Variants in RAB7A observed in about 807,000 individuals in gnomAD.
The protein encoded by RAB7A is RAB7A, member RAS oncogene family.
RAB7A carries 2 observed loss-of-function variants against 24.5 expected under a neutral mutation model. That is an observed-to-expected ratio of 0.08 (90% CI 0.03 to 0.26). RAB7A has a LOEUF of 0.26. Among genes scored for constraint, RAB7A ranks in the 10% least tolerant of loss-of-function variants. RAB7A has a pLI of 1.00. For synonymous variants in RAB7A, 100 were observed against 95.9 expected (o/e 1.04, Z -0.25); for missense variants, 118 against 255.7 (o/e 0.46, Z 3.67).
rs141387277 is a variant in RAB7A, at chr3:128,739,276, G to A, written c.-9+12917G>A. ...TGTAATCTCAGCAGTTTGGAAGGCT[G>A]AGGTGGGCGGATCACCTGAGGTCAG... On this transcript the variant is annotated intron_variant, in intron 1 of 5. Coordinates refer to ENST00000265062, the MANE Select transcript of RAB7A (RefSeq NM_004637.6). Among the ~76,000 whole-genome samples the A allele has an allele frequency of 6.9e-3, 1,056 of 152,212 alleles. 5 individuals are homozygous for A. The highest frequency in any genetic ancestry group is 0.012 in the South Asian group (59 of 4,824).
Position 128,814,136 on chromosome 3 carries a change from C to T in RAB7A, c.*714C>T, listed in dbSNP as rs1416048221. 1.9e-5 allele frequency: 3 copies of T among 154,808 alleles called. No individual in the cohort carries two copies. The highest frequency in any genetic ancestry group is 4.8e-5 in the African/African-American group (2 of 41,402). 9.6% of individuals were successfully genotyped at this position (154,808 alleles called of 1,614,324 possible). On this transcript the variant is annotated 3_prime_UTR_variant, in exon 6 of 6. Coordinates refer to ENST00000265062, the MANE Select transcript of RAB7A (RefSeq NM_004637.6). The stretch of plus-strand genomic sequence containing the variant: ...TGTGTTTAAGTCCTGTAATGCAGGC[C>T]TGTAAGGTGGAGGGTTGAACCCTGT...
chr3:128,741,568 G>A (rs2107586399), intron 1 of RAB7A, among the ~76,000 whole-genome samples: 1 of 151,892 alleles, frequency 6.6e-6, no homozygotes, highest in Middle Eastern at 3.4e-3. Context: ...TTACGAAATA[G>A]AGATGGTGTC....
chr3:128,783,180 A>G (rs1933258155), intron 1 of RAB7A, among the ~76,000 whole-genome samples: 1 of 151,900 alleles, frequency 6.6e-6, no homozygotes, highest in African/African-American at 2.4e-5. Flanking sequence ...GAAGGAGAGA[A>G]TACCTTCAAG....
rs549480664 is a variant in RAB7A at position 128,738,605 on chromosome 3, T to G, written c.-9+12246T>G. Among the ~76,000 whole-genome samples, 27 of 152,340 alleles carry G rather than the reference T, an allele frequency of 1.8e-4. No homozygotes were observed. In the South Asian group the frequency reaches 5.4e-3, roughly 30 times the overall value. Reference sequence around the variant, plus strand: ...TTTTCTTGACCACTTACGTCTATAGTGTTCTTTTTACTGAATCCCTGGGGC... The same window carrying G: ...TTTTCTTGACCACTTACGTCTATAGGGTTCTTTTTACTGAATCCCTGGGGC... On this transcript the variant is annotated intron_variant, in intron 1 of 5. Transcript: ENST00000265062.
chr3:128,764,405 C>T, intron 1 of RAB7A: 1 of 714,886 alleles, frequency 1.4e-6, no homozygotes, highest in Non-Finnish European at 2.6e-6. Context: ...TCCCAACATG[C>T]ATGCACTGCC....
intron 1 of RAB7A, among the ~76,000 whole-genome samples, chr3:128,778,080 TG>T: frequency 6.6e-6 from 1 of 151,992 alleles, no homozygotes; most frequent in East Asian, 1.9e-4. Context: ...AGTAGTGAAA[TG>T]AGTAAGGGCT....
chr3:128,766,874 G>A (rs1439737181), intron 1 of RAB7A, among the ~76,000 whole-genome samples: 2 of 152,142 alleles, frequency 1.3e-5, no homozygotes, highest in African/African-American at 2.4e-5. Context: ...GGAACTGCCA[G>A]ACTGTTTTCC....
intron 1 of RAB7A, among the ~76,000 whole-genome samples, chr3:128,727,923 TAGC>T (rs2070396682): frequency 2.0e-5 from 3 of 152,168 alleles, no homozygotes; most frequent in Non-Finnish European, 4.4e-5. Flanking sequence ...AGTTAAAGCT[TAGC>T]GTTCACAATC....
intron 1 of RAB7A, among the ~76,000 whole-genome samples, chr3:128,750,504 C>T (rs909931589): frequency 4.6e-5 from 7 of 152,114 alleles, no homozygotes; most frequent in Non-Finnish European, 1.0e-4. Context: ...TCAGGTGATT[C>T]ACCTGCCTCA....
At chr3:128,765,016 A>G in intron 1 of RAB7A, 1 of 1,561,910 alleles carries the variant, frequency 6.4e-7, no homozygotes, top group East Asian at 2.2e-5. Context: ...CGCAGTTGTC[A>G]TGGCAGCAAC....
intron 1 of RAB7A, among the ~76,000 whole-genome samples, chr3:128,749,873 A>G (rs767248761): frequency 2.4e-4 from 37 of 152,232 alleles, no homozygotes; most frequent in Non-Finnish European, 4.1e-4. Flanking sequence ...TATCAGCAGC[A>G]TGAAAAAGGA....
chr3:128,727,808 C>T (rs1352485099), intron 1 of RAB7A, among the ~76,000 whole-genome samples: 1 of 152,182 alleles, frequency 6.6e-6, no homozygotes, highest in Non-Finnish European at 1.5e-5. Context: ...ATAAAGTCTC[C>T]TCTTAGTGTG....
At position 128,813,447 on chromosome 3, in the gene RAB7A, A is replaced by G. The variant is rs775661322; in HGVS notation, c.*25A>G. 6.2e-7 allele frequency: 1 copy of G among 1,602,328 alleles called. No individual in the cohort carries two copies. On this transcript the variant is annotated 3_prime_UTR_variant, in exon 6 of 6. Transcript: ENST00000265062. The stretch of plus-strand genomic sequence containing the variant: ...AGGGGGCAGTGAGAGTTGAGCACAG[A>G]GTCCTTCACAAACCAAGAACACACG...
At chr3:128,796,317 G>A (rs1311286309) in intron 2 of RAB7A, among the ~76,000 whole-genome samples, 1 of 151,838 alleles carries the variant, frequency 6.6e-6, no homozygotes, top group Non-Finnish European at 1.5e-5. Flanking sequence ...AATTTAGCCA[G>A]GTGCCGTACC....
chr3:128,780,783 C>T (rs1182964145), intron 1 of RAB7A, among the ~76,000 whole-genome samples: 4 of 152,206 alleles, frequency 2.6e-5, no homozygotes, highest in Non-Finnish European at 5.9e-5. Flanking sequence ...TCTTAGGGCC[C>T]ATGTGCCTAT....
At chr3:128,763,477 A>G (rs1266919315) in intron 1 of RAB7A, among the ~76,000 whole-genome samples, 1 of 151,994 alleles carries the variant, frequency 6.6e-6, no homozygotes, top group Non-Finnish European at 1.5e-5. Flanking sequence ...TTGGCCTCCC[A>G]AAGTGCTGGG....
At chr3:128,789,643 T>A (rs969938250) in intron 1 of RAB7A, among the ~76,000 whole-genome samples, 2 of 152,280 alleles carry the variant, frequency 1.3e-5, no homozygotes, top group Admixed American at 6.5e-5. Context: ...CATAGGCTTT[T>A]AAAAAATAAT....
chr3:128,749,829 G>C (rs2070658639), intron 1 of RAB7A, among the ~76,000 whole-genome samples: 1 of 152,168 alleles, frequency 6.6e-6, no homozygotes, highest in Non-Finnish European at 1.5e-5. Flanking sequence ...TAAACCTCTT[G>C]GTTTTGTAAA....
Position 128,727,238 on chromosome 3 carries a change from C to A in RAB7A, c.-9+879C>A, listed in dbSNP as rs181666122. Among the ~76,000 whole-genome samples the A allele has an allele frequency of 7.9e-5, 12 of 152,328 alleles. No individual in the cohort carries two copies. The East Asian group carries it at 2.3e-3, about 29-fold the overall frequency. On this transcript the variant is annotated intron_variant, in intron 1 of 5. Transcript: ENST00000265062. ...CTCTGAAGTACCACTGTTGTGCCCA[C>A]TTAACACAGTGGGAAGTTGAACAGA...
Sources: allele counts gnomAD v4.1 joint callset (sites outside exome capture counted in the v4.1 genomes callset), GRCh38; gene constraint gnomAD v4.1.1; transcripts MANE v1.5; gene names NCBI Gene and HGNC (gene_info 2026-07-23, HGNC 2026-07-21).